Variants in SSBP2 observed in about 807,000 individuals in gnomAD.
SSBP2 encodes single-stranded DNA-binding protein 2.
In SSBP2, 17 loss-of-function variants were observed where a neutral mutation model predicts 61.8. The ratio of observed to expected loss-of-function variants is 0.28; its 90% CI spans 0.19 to 0.41. The LOEUF is 0.41. SSBP2 is among the 10% of genes least tolerant of loss of function. The pLI, the probability that SSBP2 is intolerant of heterozygous loss-of-function variation, is 1.00. For missense variants in SSBP2, 310 were observed against 458.7 expected (o/e 0.68, Z 2.96); for synonymous variants, 139 against 141.3 (o/e 0.98, Z 0.12).
intron 4 of SSBP2, among the ~76,000 whole-genome samples, chr5:81,608,499 AG>A (rs1416913683): frequency 3.3e-5 from 5 of 152,294 alleles, no homozygotes; most frequent in African/African-American, 1.2e-4. Flanking sequence ...ATGAAGCAAA[AG>A]TTTCATCCAG....
intron 5 of SSBP2, among the ~76,000 whole-genome samples, chr5:81,500,556 G>A (rs1767629324): frequency 6.6e-6 from 1 of 152,090 alleles, no homozygotes; most frequent in Non-Finnish European, 1.5e-5. Context: ...CACTTCCTGG[G>A]TTCAAGTGAT....
At chr5:81,656,386 C>G (rs182909960) in intron 1 of SSBP2, among the ~76,000 whole-genome samples, 2 of 151,946 alleles carry the variant, frequency 1.3e-5, no homozygotes, top group Non-Finnish European at 2.9e-5. Flanking sequence ...TAAAAGTGTT[C>G]AACTGTTGAC....
chr5:81,453,023 G>A (rs1763878286), intron 10 of SSBP2, among the ~76,000 whole-genome samples: 1 of 152,064 alleles, frequency 6.6e-6, no homozygotes, highest in South Asian at 2.1e-4. Flanking sequence ...GACCAGGCAT[G>A]GCAGCTCACA....
intron 1 of SSBP2, among the ~76,000 whole-genome samples, chr5:81,662,931 T>A (rs1340478022): frequency 6.6e-6 from 1 of 152,192 alleles, no homozygotes; most frequent in Admixed American, 6.5e-5. Flanking sequence ...CTAGGACAGA[T>A]GAACTATTTA....
chr5:81,566,752 CA>C (rs1227755622), intron 4 of SSBP2, among the ~76,000 whole-genome samples: 1 of 152,176 alleles, frequency 6.6e-6, no homozygotes, highest in Non-Finnish European at 1.5e-5. Flanking sequence ...ATAGGTTTGA[CA>C]AAAATGCTTA....
At chr5:81,699,670 G>A (rs1165657769) in intron 1 of SSBP2, among the ~76,000 whole-genome samples, 1 of 152,042 alleles carries the variant, frequency 6.6e-6, no homozygotes, top group Non-Finnish European at 1.5e-5. Context: ...AGTCATCCAC[G>A]AGGGTTGGAA....
chr5:81,608,155 C>G (rs1406340741), intron 4 of SSBP2, among the ~76,000 whole-genome samples: 1 of 152,104 alleles, frequency 6.6e-6, no homozygotes, highest in African/African-American at 2.4e-5. Context: ...CTATGTTCTT[C>G]CTCCCTAATT....
intron 4 of SSBP2, among the ~76,000 whole-genome samples, chr5:81,536,409 C>T (rs1770808801): frequency 6.6e-6 from 1 of 152,008 alleles, no homozygotes; most frequent in Non-Finnish European, 1.5e-5. Flanking sequence ...CAGGTTATTT[C>T]ATCACCCAGG....
intron 4 of SSBP2, among the ~76,000 whole-genome samples, chr5:81,519,251 GAATT>G (rs1225710351): frequency 3.9e-5 from 6 of 152,068 alleles, no homozygotes; most frequent in Admixed American, 1.3e-4. Flanking sequence ...ATGTTGGAAA[GAATT>G]ATTATCTTTT....
At chr5:81,602,247 CCT>C (rs2153561381) in intron 4 of SSBP2, among the ~76,000 whole-genome samples, 1 of 152,170 alleles carries the variant, frequency 6.6e-6, no homozygotes, top group South Asian at 2.1e-4. Context: ...TGTCTTGGTC[CCT>C]CTTAGTCCAG....
intron 4 of SSBP2, among the ~76,000 whole-genome samples, chr5:81,529,968 C>A (rs1222363843): frequency 6.6e-6 from 1 of 151,962 alleles, no homozygotes; most frequent in Non-Finnish European, 1.5e-5. Context: ...GGCAGAGAAA[C>A]CAGCATTTAA....
At chr5:81,750,937 C>A in intron 1 of SSBP2, 44 bp downstream of exon 1, 1 of 1,553,782 alleles carries the variant, frequency 6.4e-7, no homozygotes, top group Non-Finnish European at 8.7e-7. Context: ...CGTGAGTGTG[C>A]GCGCGTGTGA....
intron 1 of SSBP2, among the ~76,000 whole-genome samples, chr5:81,707,463 G>A (rs1163624585): frequency 6.6e-6 from 1 of 152,118 alleles, no homozygotes; most frequent in African/African-American, 2.4e-5. Context: ...AAGAGACACA[G>A]GGTGAGGTTG....
chr5:81,505,616 A>G (rs1768123757), intron 5 of SSBP2, among the ~76,000 whole-genome samples: 1 of 152,228 alleles, frequency 6.6e-6, no homozygotes, highest in African/African-American at 2.4e-5. Flanking sequence ...AAATGTCAAT[A>G]AAAACTACAG....
rs1416100934 is a variant in SSBP2 at position 81,628,949 on chromosome 5, G to GA, written c.197+7607dup. On this transcript the variant is annotated intron_variant, in intron 3 of 16. Transcript: ENST00000320672. ...CCCACTCTTCACCAACTTTTCCCCC[G>GA]AGTCTACTAGTCTCTGCCTCTTTTC... 3.3e-5 allele frequency among the ~76,000 whole-genome samples: 5 copies of GA among 151,926 alleles called. No individual in the cohort carries two copies. In the East Asian group the frequency reaches 7.7e-4, roughly 24 times the overall value.
At chr5:81,424,372 C>T (rs1203150060) in intron 16 of SSBP2, among the ~76,000 whole-genome samples, 1 of 151,952 alleles carries the variant, frequency 6.6e-6, no homozygotes, top group Non-Finnish European at 1.5e-5. Flanking sequence ...TGCAGTGAGC[C>T]AAGATCGCAC....
chr5:81,460,300 C>T (rs1274908860), intron 10 of SSBP2, among the ~76,000 whole-genome samples: 1 of 152,162 alleles, frequency 6.6e-6, no homozygotes, highest in Non-Finnish European at 1.5e-5. Flanking sequence ...GACCCGGGAA[C>T]CTTTGTGCAG....
chr5:81,632,909 CCCATTA>C (rs1471754001), intron 3 of SSBP2, among the ~76,000 whole-genome samples: 2 of 152,236 alleles, frequency 1.3e-5, no homozygotes, highest in East Asian at 3.9e-4. Context: ...TGTTTCCTAG[CCCATTA>C]CTCAGCTTTA....
At chr5:81,717,825 T>A (rs1008366718) in intron 1 of SSBP2, among the ~76,000 whole-genome samples, 1 of 152,198 alleles carries the variant, frequency 6.6e-6, no homozygotes, top group African/African-American at 2.4e-5. Flanking sequence ...TTTTCTGGCA[T>A]TTTATCTCTC....
Sources: gnomAD v4.1 joint callset for allele counts (sites outside exome capture counted in the v4.1 genomes callset) on GRCh38, gnomAD v4.1.1 for gene constraint, MANE v1.5 for transcripts, NCBI Gene and HGNC (gene_info 2026-07-23, HGNC 2026-07-21) for gene names.